The following ERC2 variants were observed in gnomAD, a reference collection of about 807,000 sequenced individuals.
ERC2 encodes ELKS/RAB6-interacting/CAST family member 2.
In ERC2, 42 loss-of-function variants were observed where a neutral mutation model predicts 114.8. The observed-to-expected ratio is 0.37, with a 90% CI of 0.29 to 0.47. The LOEUF is 0.47. Ranked by LOEUF, ERC2 falls within the 20% of genes least tolerant of loss-of-function variation. The pLI, the probability that ERC2 is intolerant of heterozygous loss-of-function variation, is 0.99. For synonymous variants in ERC2, 454 were observed against 425.5 expected (o/e 1.07, Z -0.82); for missense variants, 939 against 1,150.7 (o/e 0.82, Z 2.66).
At chr3:56,005,010 T>C (rs1046405062) in intron 10 of ERC2, among the ~76,000 whole-genome samples, 14 of 151,990 alleles carry the variant, frequency 9.2e-5, no homozygotes, top group Admixed American at 8.5e-4. Context: ...TACGGAACTA[T>C]TTATTAGCAG....
intron 16 of ERC2, among the ~76,000 whole-genome samples, chr3:55,690,602 T>C (rs1262187565): frequency 6.6e-6 from 1 of 151,758 alleles, no homozygotes; most frequent in Non-Finnish European, 1.5e-5. Flanking sequence ...ACCCTAATAC[T>C]GCAAACAAGG....
At chr3:55,999,822 T>C (rs986023245) in intron 10 of ERC2, among the ~76,000 whole-genome samples, 8 of 151,512 alleles carry the variant, frequency 5.3e-5, no homozygotes, top group Non-Finnish European at 1.2e-4. Context: ...ATAGATTAAA[T>C]ATATTTAAAA....
At chr3:55,551,100 A>ATG (rs978859362) in intron 17 of ERC2, among the ~76,000 whole-genome samples, 8 of 151,470 alleles carry the variant, frequency 5.3e-5, no homozygotes, top group Non-Finnish European at 7.4e-5. Flanking sequence ...AACCAACAGT[A>ATG]TGTGTGTGTG....
intron 14 of ERC2, among the ~76,000 whole-genome samples, chr3:55,873,203 C>T (rs529124509): frequency 6.6e-6 from 1 of 152,192 alleles, no homozygotes; most frequent in Non-Finnish European, 1.5e-5. Flanking sequence ...GCAGAGTGGG[C>T]AGGAAGAAAG....
At chr3:56,235,300 T>G (rs897142131) in intron 3 of ERC2, among the ~76,000 whole-genome samples, 9 of 152,182 alleles carry the variant, frequency 5.9e-5, no homozygotes, top group Admixed American at 4.6e-4. Context: ...TCATTTCTAC[T>G]GAGAACACAA....
At chr3:56,092,906 G>T (rs575863424) in intron 6 of ERC2, among the ~76,000 whole-genome samples, 4 of 152,078 alleles carry the variant, frequency 2.6e-5, no homozygotes, top group Non-Finnish European at 5.9e-5. Flanking sequence ...TATTGATCCC[G>T]CTTAGATATG....
At chr3:56,256,324 T>C (rs1212070789) in intron 3 of ERC2, among the ~76,000 whole-genome samples, 1 of 152,184 alleles carries the variant, frequency 6.6e-6, no homozygotes, top group Non-Finnish European at 1.5e-5. Flanking sequence ...CACCTTGAAA[T>C]AAAGTGAGTA....
chr3:55,794,615 C>T (rs1340975752), intron 14 of ERC2, among the ~76,000 whole-genome samples: 1 of 152,082 alleles, frequency 6.6e-6, no homozygotes, highest in African/African-American at 2.4e-5. Context: ...AGCTTTCATA[C>T]CTGTGTGAAA....
rs564239749 is a variant in ERC2 at position 55,540,614 on chromosome 3, C to T, written c.*40-29338G>A. Among the ~76,000 whole-genome samples, 24 of 152,254 alleles carry T rather than the reference C, an allele frequency of 1.6e-4. No individual in the cohort carries two copies. In the South Asian group the frequency reaches 2.3e-3, roughly 14 times the overall value. On this transcript the variant is annotated intron_variant, in intron 17 of 17. Coordinates refer to ENST00000288221, the MANE Select transcript of ERC2 (RefSeq NM_015576.3). ...GATCTTAGTCTCCCCATCTGTAAAA[C>T]GAAGGAGGTGAACCAGAGTATTTTG...
intron 15 of ERC2, among the ~76,000 whole-genome samples, chr3:55,716,631 C>T (rs1358383486): frequency 6.6e-6 from 1 of 152,168 alleles, no homozygotes; most frequent in South Asian, 2.1e-4. Context: ...CCTTTTATAG[C>T]CCTTGAAATT....
At chr3:55,520,460 A>G (rs1166871414) in intron 17 of ERC2, among the ~76,000 whole-genome samples, 1 of 151,458 alleles carries the variant, frequency 6.6e-6, no homozygotes, top group Non-Finnish European at 1.5e-5. Context: ...AAATCTAAGA[A>G]GAGAGAAAAT....
At chr3:56,321,771 A>G (rs904660573) in intron 2 of ERC2, among the ~76,000 whole-genome samples, 1 of 152,218 alleles carries the variant, frequency 6.6e-6, no homozygotes, top group African/African-American at 2.4e-5. Flanking sequence ...TAGATCACCC[A>G]TAAGGCCTAA....
At chr3:55,638,641 C>A (rs1303544754) in intron 17 of ERC2, among the ~76,000 whole-genome samples, 1 of 152,152 alleles carries the variant, frequency 6.6e-6, no homozygotes, top group Non-Finnish European at 1.5e-5. Context: ...AGAACAGGAA[C>A]CAGAGTCCTT....
intron 16 of ERC2, among the ~76,000 whole-genome samples, chr3:55,698,922 C>T (rs925355389): frequency 2.0e-5 from 3 of 152,008 alleles, no homozygotes; most frequent in East Asian, 1.9e-4. Flanking sequence ...CTGGCTAAAA[C>T]GCAGGCAAAA....
chr3:55,616,438 G>C (rs1316112233), intron 17 of ERC2, among the ~76,000 whole-genome samples: 1 of 152,010 alleles, frequency 6.6e-6, no homozygotes, highest in Admixed American at 6.6e-5. Context: ...TAACACCCTA[G>C]ACTGGTAAAA....
intron 2 of ERC2, among the ~76,000 whole-genome samples, chr3:56,429,751 C>T (rs1457416869): frequency 6.6e-6 from 1 of 152,134 alleles, no homozygotes; most frequent in African/African-American, 2.4e-5. Context: ...GAAGGGGTGG[C>T]ATATCCATCC....
intron 7 of ERC2, among the ~76,000 whole-genome samples, chr3:56,053,768 A>G (rs1275753231): frequency 6.6e-6 from 1 of 152,176 alleles, no homozygotes; most frequent in Non-Finnish European, 1.5e-5. Flanking sequence ...TTCGCAATGT[A>G]AGGTGGCATC....
intron 9 of ERC2, among the ~76,000 whole-genome samples, chr3:56,009,853 C>T (rs564800777): frequency 6.6e-6 from 1 of 152,304 alleles, no homozygotes; most frequent in East Asian, 1.9e-4. Context: ...TTTAAAAACA[C>T]AGGTGGCATT....
chr3:56,261,047 A>C (rs898247921), intron 3 of ERC2, among the ~76,000 whole-genome samples: 4 of 152,344 alleles, frequency 2.6e-5, no homozygotes, highest in Admixed American at 2.6e-4. Context: ...ACCACATTGG[A>C]CAGCACAGCT....
Sources: allele counts gnomAD v4.1 joint callset (sites outside exome capture counted in the v4.1 genomes callset), GRCh38; gene constraint gnomAD v4.1.1; transcripts MANE v1.5; gene names NCBI Gene and HGNC (gene_info 2026-07-23, HGNC 2026-07-21).